Variants in TAF2 observed in about 807,000 individuals in gnomAD.
TAF2 encodes the protein transcription initiation factor TFIID subunit 2.
A neutral mutation model predicts 138.5 loss-of-function variants in TAF2; 61 were observed. The ratio of observed to expected loss-of-function variants is 0.44; its 90% CI spans 0.36 to 0.54. TAF2 has a LOEUF of 0.54. Ranked by LOEUF, TAF2 falls within the 20% of genes least tolerant of loss-of-function variation. The pLI, the probability that TAF2 is intolerant of heterozygous loss-of-function variation, is 0.00. For missense variants in TAF2, 1,090 were observed against 1,427.9 expected (o/e 0.76, Z 3.81); for synonymous variants, 475 against 469.9 (o/e 1.01, Z -0.14).
At chr8:119,804,224 A>C (rs1824460339) in intron 4 of TAF2, among the ~76,000 whole-genome samples, 1 of 152,194 alleles carries the variant, frequency 6.6e-6, no homozygotes, top group African/African-American at 2.4e-5. Flanking sequence ...TCTACCTCCA[A>C]TCAATTATAA....
intron 23 of TAF2, among the ~76,000 whole-genome samples, chr8:119,745,795 ATGTGTGTGTGTGTGTGTGTGTGTGTGTG>A (rs58444614): frequency 8.4e-5 from 12 of 143,566 alleles, no homozygotes; most frequent in Non-Finnish European, 1.5e-4. Flanking sequence ...AGGCAAACGA[ATGTGTGTGTGTGTGTGTGTGTGTGTGTG>A]TGTGTGTGTG....
intron 12 of TAF2, 88 bp downstream of exon 12, chr8:119,789,504 C>T: frequency 6.8e-7 from 1 of 1,464,236 alleles, no homozygotes; most frequent in Non-Finnish European, 9.5e-7. Context: ...TCCTTGAGTC[C>T]CCCTCAAACC....
intron 1 of TAF2, 76 bp downstream of exon 1, chr8:119,832,406 C>A: frequency 1.4e-6 from 2 of 1,414,488 alleles, no homozygotes; most frequent in Middle Eastern, 1.8e-4. Context: ...CCCACCAAGT[C>A]AATTTCAAGC....
intron 3 of TAF2, among the ~76,000 whole-genome samples, chr8:119,812,484 C>T (rs917891417): frequency 1.3e-5 from 2 of 152,056 alleles, no homozygotes; most frequent in Admixed American, 6.6e-5. Context: ...CCCTCCTCCC[C>T]GCTTCTGAGT....
intron 22 of TAF2, among the ~76,000 whole-genome samples, chr8:119,748,539 G>C (rs1396511222): frequency 6.6e-6 from 1 of 151,900 alleles, no homozygotes; most frequent in African/African-American, 2.4e-5. Flanking sequence ...AGAAGCAAGA[G>C]ACAGGCAAGA....
chr8:119,815,624 T>C (rs1825408911), intron 3 of TAF2, among the ~76,000 whole-genome samples: 1 of 151,098 alleles, frequency 6.6e-6, no homozygotes, highest in Non-Finnish European at 1.5e-5. Context: ...AAAGCCTATC[T>C]AGGAACAAAA....
chr8:119,797,954 T>G (rs1036260214), intron 6 of TAF2, 108 bp from the exon 7 acceptor site: 120 of 1,078,488 alleles, frequency 1.1e-4, no homozygotes, highest in South Asian at 6.0e-4. Context: ...AATCTATTCT[T>G]TAATAATTTC....
chr8:119,788,269 T>A (rs1823166756), intron 14 of TAF2, 69 bp downstream of exon 14: 2 of 1,406,318 alleles, frequency 1.4e-6, no homozygotes, highest in African/African-American at 2.8e-5. Flanking sequence ...AGAGAATTTT[T>A]ATTTTGGCAT....
At chr8:119,805,055 G>T (rs984537597) in intron 4 of TAF2, among the ~76,000 whole-genome samples, 1 of 151,970 alleles carries the variant, frequency 6.6e-6, no homozygotes, top group African/African-American at 2.4e-5. Context: ...CACCCACAAC[G>T]GAAACCAATA....
At chr8:119,734,864 A>C (rs546757510) in intron 25 of TAF2, among the ~76,000 whole-genome samples, 1 of 152,222 alleles carries the variant, frequency 6.6e-6, no homozygotes. Context: ...GTTCTCCAGG[A>C]AAGTAATGGT....
intron 18 of TAF2, 65 bp from the exon 19 acceptor site, chr8:119,762,673 A>G (rs2131063940): frequency 7.1e-7 from 1 of 1,406,396 alleles, no homozygotes; most frequent in Non-Finnish European, 9.7e-7. Context: ...TTAACAAAAT[A>G]AAATTTGTAT....
intron 7 of TAF2, 147 bp from the exon 8 acceptor site, chr8:119,797,250 A>C (rs1159674246): frequency 4.4e-6 from 3 of 678,352 alleles, no homozygotes; most frequent in Non-Finnish European, 7.6e-6. Flanking sequence ...ATTTAGCTAA[A>C]ATTCATCATC....
chr8:119,788,853 T>C lies in TAF2; in HGVS notation c.1620A>G (p.Lys540=). 3 of 1,613,948 alleles carry C rather than the reference T, an allele frequency of 1.9e-6. No homozygotes were observed. Among genetic ancestry groups the C allele is most frequent in the Non-Finnish European group, 1.7e-6 (2 of 1,179,914 alleles). ...KFYGSFAFNR[K]RNVLELEIKQ... ...TTATTTCCAGTTCCAAGACATTTCG[T>C]TTTCTATTAAATGCAAAACTTCCAT... The change falls in exon 13 of 26, where the codon AAA becomes AAG. Residue 540 remains lysine (K), a synonymous_variant. Coordinates refer to ENST00000378164, the MANE Select transcript of TAF2 (RefSeq NM_003184.4).
chr8:119,772,754 T>C (rs1022558452), intron 18 of TAF2, among the ~76,000 whole-genome samples: 3 of 151,852 alleles, frequency 2.0e-5, no homozygotes, highest in Non-Finnish European at 2.9e-5. Flanking sequence ...CTGGCCAACA[T>C]GGTGAAACCC....
At position 119,731,763 on chromosome 8, in the gene TAF2, T is replaced by C. The variant is rs1818891813; in HGVS notation, c.*161A>G. ...TTTTCCTAATTAGATCCCAACTGTATAAATAACATAAATCAAATGCTTAGA... is the reference window on the plus strand; with the variant it reads ...TTTTCCTAATTAGATCCCAACTGTACAAATAACATAAATCAAATGCTTAGA... On this transcript the variant is annotated 3_prime_UTR_variant, in exon 26 of 26. Transcript: ENST00000378164. The C allele has an allele frequency of 1.4e-6, 1 of 724,728 alleles. No homozygotes were observed. Among genetic ancestry groups the C allele is most frequent in the African/African-American group, 1.8e-5 (1 of 56,216 alleles). 44.9% of individuals were successfully genotyped at this position (724,728 alleles called of 1,614,324 possible).
chr8:119,757,101 G>T (rs1333595837), intron 21 of TAF2, among the ~76,000 whole-genome samples: 1 of 152,158 alleles, frequency 6.6e-6, no homozygotes, highest in Non-Finnish European at 1.5e-5. Flanking sequence ...ATTTGTAATT[G>T]AGAAAGAGAT....
Position 119,795,589 on chromosome 8 carries a change from A to G in TAF2, c.1134T>C (p.Tyr378=), listed in dbSNP as rs748312030. 1.9e-6 allele frequency: 3 copies of G among 1,613,732 alleles called. No individual in the cohort carries two copies. In the South Asian group the frequency reaches 3.3e-5, roughly 18 times the overall value. Residue 378 remains tyrosine (Y), a synonymous_variant, in exon 9 of 26, where the codon TAT becomes TAC. Transcript: ENST00000378164. ...CAAAAGTTTTTTTCATCCAAAGTCC[A>G]TAGATATAGCCTGAAATTCCCTTCA... ...WVLKGISGYI[Y]GLWMKKTFGV... is the part of the protein sequence containing the mutation.
intron 11 of TAF2, among the ~76,000 whole-genome samples, 178 bp from the exon 12 acceptor site, chr8:119,789,924 C>T (rs1216917207): frequency 6.6e-6 from 1 of 151,880 alleles, no homozygotes; most frequent in African/African-American, 2.4e-5. Context: ...ATATAAGCAG[C>T]CAGAATACAA....
chr8:119,745,464 G>T (rs950178733), intron 23 of TAF2, among the ~76,000 whole-genome samples: 3 of 151,454 alleles, frequency 2.0e-5, no homozygotes, highest in Non-Finnish European at 4.4e-5. Flanking sequence ...ATTTTAAATT[G>T]ACAACAAATA....
Sources: gnomAD v4.1 joint callset for allele counts (sites outside exome capture counted in the v4.1 genomes callset) on GRCh38, gnomAD v4.1.1 for gene constraint, MANE v1.5 for transcripts, NCBI Gene and HGNC (gene_info 2026-07-23, HGNC 2026-07-21) for gene names.